GALNT18: variants seen among roughly 807,000 people sequenced by gnomAD.
GALNT18 encodes polypeptide N-acetylgalactosaminyltransferase 18.
GALNT18 carries 44 observed loss-of-function variants against 69.5 expected under a neutral mutation model. The observed-to-expected ratio is 0.63, with a 90% confidence interval of 0.50 to 0.81. The LOEUF is 0.81. Ranked by LOEUF, GALNT18 falls within the 40% of genes least tolerant of loss-of-function variation. GALNT18 has a pLI of 0.00. For missense variants in GALNT18, 715 were observed against 810.0 expected (o/e 0.88, Z 1.42); for synonymous variants, 364 against 318.2 (o/e 1.14, Z -1.53).
intron 10 of GALNT18, among the ~76,000 whole-genome samples, chr11:11,277,638 G>A (rs1848977702): frequency 6.6e-6 from 1 of 152,130 alleles, no homozygotes; most frequent in Non-Finnish European, 1.5e-5. Flanking sequence ...TGGGCATTTA[G>A]TGCTATACAT....
rs2133945010 is a variant in GALNT18, at chr11:11,600,731, G to A, written c.235+20628C>T. Among the ~76,000 whole-genome samples, 1 of 151,864 alleles carries A rather than the reference G, an allele frequency of 6.6e-6. No individual in the cohort carries two copies. Among genetic ancestry groups the A allele is most frequent in the Admixed American group, 6.6e-5 (1 of 15,230 alleles). ...CTATTATTTCTTCATATATTTTTTG[G>A]CTTCTTTCTTCTTTCATTCAAGTAT... On this transcript the variant is annotated intron_variant, in intron 1 of 10. Transcript: ENST00000227756. The surrounding 1 kb of genome is among the most constrained non-coding windows in gnomAD (Gnocchi z 4.8).
intron 1 of GALNT18, among the ~76,000 whole-genome samples, chr11:11,519,833 A>G (rs1857356073): frequency 6.6e-6 from 1 of 151,854 alleles, no homozygotes; most frequent in African/African-American, 2.4e-5. Context: ...ACCCTCTCCT[A>G]CTCTTGCTCC....
chr11:11,372,380 TCA>T lies in GALNT18; in HGVS notation c.1092+133_1092+134del. On this transcript the variant is annotated intron_variant, in intron 6 of 10. Coordinates refer to ENST00000227756, the MANE Select transcript of GALNT18 (RefSeq NM_198516.3). This position sits in a 1 kb window ranked among gnomAD's most constrained non-coding sequence, Gnocchi z 4.9. ...CCACCCTGTGTCTTCCCAATCCCAA[TCA>T]CACACAGGATTCAGGACTGGACATT... The T allele has an allele frequency of 1.5e-6, 1 of 687,434 alleles. No individual in the cohort carries two copies. Among genetic ancestry groups the T allele is most frequent in the Non-Finnish European group, 2.5e-6 (1 of 397,706 alleles). 42.6% of individuals were successfully genotyped at this position (687,434 alleles called of 1,614,324 possible).
rs1393684630 is a variant in GALNT18 at position 11,497,224 on chromosome 11, C to G, written c.236-48288G>C. 1.3e-5 allele frequency among the ~76,000 whole-genome samples: 2 copies of G among 151,882 alleles called. No individual in the cohort carries two copies. The highest frequency in any genetic ancestry group is 2.9e-5 in the Non-Finnish European group (2 of 68,020). The stretch of plus-strand genomic sequence containing the variant: ...CCAACATCAGCACCCTCAACTGACC[C>G]TTGTCAGTCCCTCTACCAAAGCCTT... On this transcript the variant is annotated intron_variant, in intron 1 of 10. Transcript: ENST00000227756. This position sits in a 1 kb window ranked among gnomAD's most constrained non-coding sequence, Gnocchi z 4.2.
At chr11:11,351,855 T>G (rs1472266528) in intron 6 of GALNT18, 1 of 1,027,456 alleles carries the variant, frequency 9.7e-7, no homozygotes, top group African/African-American at 1.5e-5. Flanking sequence ...TTCTGAAGTG[T>G]TTCACCCCTC....
rs1353411878 is a variant in GALNT18 at position 11,584,770 on chromosome 11, T to C, written c.235+36589A>G. Among the ~76,000 whole-genome samples the C allele has an allele frequency of 6.6e-6, 1 of 151,928 alleles. No homozygotes were observed. The highest frequency in any genetic ancestry group is 2.4e-5 in the African/African-American group (1 of 41,214). ...TCGAGGTGGACAATGAACTACGTACTTTTTTCATGAAACACTATTTTCACT... is the reference window on the plus strand; with the variant it reads ...TCGAGGTGGACAATGAACTACGTACCTTTTTCATGAAACACTATTTTCACT... On this transcript the variant is annotated intron_variant, in intron 1 of 10. Transcript: ENST00000227756. This position sits in a 1 kb window ranked among gnomAD's most constrained non-coding sequence, Gnocchi z 4.1.
chr11:11,499,591 G>A (rs1028366850), intron 1 of GALNT18, among the ~76,000 whole-genome samples: 6 of 152,122 alleles, frequency 3.9e-5, no homozygotes, highest in African/African-American at 9.7e-5. Context: ...CTGTGTCCCC[G>A]TCCCCTCTAT....
chr11:11,294,331 TAGGC>T (rs2133007448), intron 9 of GALNT18, among the ~76,000 whole-genome samples: 1 of 152,286 alleles, frequency 6.6e-6, no homozygotes, highest in Non-Finnish European at 1.5e-5. Context: ...GGCTGTCACA[TAGGC>T]AGCCTCTGCC....
chr11:11,343,294 G>C (rs904941850), intron 6 of GALNT18, among the ~76,000 whole-genome samples: 2 of 152,088 alleles, frequency 1.3e-5, no homozygotes, highest in African/African-American at 2.4e-5. Flanking sequence ...GCTGCAGTGA[G>C]CCCTGATGGT....
chr11:11,328,474 T>C (rs996844596), intron 8 of GALNT18, among the ~76,000 whole-genome samples: 2 of 152,040 alleles, frequency 1.3e-5, no homozygotes, highest in Non-Finnish European at 2.9e-5. Flanking sequence ...AGGAGCAAAA[T>C]GAAGCCAATG....
intron 3 of GALNT18, among the ~76,000 whole-genome samples, chr11:11,423,437 G>C (rs1855058060): frequency 6.6e-6 from 1 of 152,132 alleles, no homozygotes; most frequent in African/African-American, 2.4e-5. Flanking sequence ...CTCTCACAAG[G>C]TGACCTAAAG....
intron 9 of GALNT18, among the ~76,000 whole-genome samples, chr11:11,317,251 G>A (rs1021741847): frequency 1.3e-5 from 2 of 152,242 alleles, no homozygotes; most frequent in Admixed American, 1.3e-4. Context: ...AACGACAACA[G>A]AGTGAACTTT....
At position 11,497,315 on chromosome 11, in the gene GALNT18, C is replaced by T. The variant is rs1856883206; in HGVS notation, c.236-48379G>A. Among the ~76,000 whole-genome samples the T allele has an allele frequency of 7.2e-6, 1 of 138,984 alleles. No homozygotes were observed. Among genetic ancestry groups the T allele is most frequent in the South Asian group, 2.3e-4 (1 of 4,344 alleles). 91.2% of individuals were successfully genotyped at this position (138,984 alleles called of 152,430 possible). A position where few individuals can be genotyped will look rare whatever the true frequency, so the allele number is the denominator to read the frequency against. ...TATCCTACTTATTATTTATGTTTTA[C>T]CTCCTGTCTCCAACACACACACACA... is the stretch of plus-strand genomic sequence containing the variant. On this transcript the variant is annotated intron_variant, in intron 1 of 10. Transcript: ENST00000227756. The surrounding 1 kb of genome is among the most constrained non-coding windows in gnomAD (Gnocchi z 4.2).
intron 9 of GALNT18, among the ~76,000 whole-genome samples, chr11:11,319,998 T>C (rs1410168922): frequency 6.6e-6 from 1 of 152,184 alleles, no homozygotes; most frequent in African/African-American, 2.4e-5. Context: ...AAGTTAGTAC[T>C]ACTATATTCT....
chr11:11,529,811 C>T (rs4910374), intron 1 of GALNT18, among the ~76,000 whole-genome samples: 34,896 of 151,992 alleles, frequency 0.23, 4,499 homozygotes, highest in Non-Finnish European at 0.27. Flanking sequence ...AGAGATTGAC[C>T]ACATATGTAT....
chr11:11,569,746 G>C (rs954950620), intron 1 of GALNT18, among the ~76,000 whole-genome samples: 2 of 152,100 alleles, frequency 1.3e-5, no homozygotes, highest in African/African-American at 2.4e-5. Context: ...AGCAGGACTA[G>C]GGTTGACTAT....
intron 3 of GALNT18, among the ~76,000 whole-genome samples, chr11:11,420,963 T>C (rs1002343976): frequency 6.6e-6 from 1 of 152,114 alleles, no homozygotes; most frequent in Non-Finnish European, 1.5e-5. Context: ...TATCAAAAAC[T>C]GGTCACCTTG....
chr11:11,535,551 C>T (rs958317953), intron 1 of GALNT18, among the ~76,000 whole-genome samples: 2 of 152,152 alleles, frequency 1.3e-5, no homozygotes, highest in Non-Finnish European at 2.9e-5. Context: ...CTCCATTTTC[C>T]ACAAAAGGGC....
chr11:11,407,921 G>A (rs1004439716), intron 3 of GALNT18, among the ~76,000 whole-genome samples: 4 of 152,178 alleles, frequency 2.6e-5, no homozygotes, highest in African/African-American at 7.2e-5. Flanking sequence ...GGCCCCACCC[G>A]CAGTCATTCA....
Sources: allele counts gnomAD v4.1 joint callset (sites outside exome capture counted in the v4.1 genomes callset), GRCh38; gene constraint gnomAD v4.1.1; non-coding constraint Gnocchi (gnomAD v3.1); transcripts MANE v1.5; gene names NCBI Gene and HGNC (gene_info 2026-07-23, HGNC 2026-07-21).